GRM8: variants seen among roughly 807,000 people sequenced by gnomAD.
The protein encoded by GRM8 is metabotropic glutamate receptor 8.
GRM8 carries 47 observed loss-of-function variants against 87.2 expected under a neutral mutation model. The observed-to-expected ratio is 0.54, with a 90% CI of 0.43 to 0.69. GRM8 has a LOEUF of 0.69. Among genes scored for constraint, GRM8 ranks in the 30% least tolerant of loss-of-function variants. The probability of loss-of-function intolerance (pLI) is 0.00; values close to 1 mark genes in which losing one functional copy is unlikely to be tolerated. For missense variants in GRM8, 1,019 were observed against 1,139.2 expected, an observed-to-expected ratio of 0.89 and a Z score of 1.52; for synonymous variants, 396 against 404.5, an observed-to-expected ratio of 0.98 and a Z score of 0.25.
chr7:126,638,751 G>A lies in GRM8; in HGVS notation c.1358-29253C>T, dbSNP rs924526232. ...TCTTAGGTGTATTTATAGAAGGTAGGGCACTACAGAACAAGTCAGAAACAT... is the reference window on the plus strand; with the variant it reads ...TCTTAGGTGTATTTATAGAAGGTAGAGCACTACAGAACAAGTCAGAAACAT... On this transcript the variant is annotated intron_variant, in intron 7 of 10. Coordinates refer to ENST00000339582, the MANE Select transcript of GRM8 (RefSeq NM_000845.3). Among the ~76,000 whole-genome samples the A allele has an allele frequency of 2.0e-5, 3 of 152,106 alleles. No individual in the cohort carries two copies. The South Asian group carries it at 6.2e-4, about 32-fold the overall frequency.
At chr7:126,578,751 C>T (rs914702944) in intron 8 of GRM8, among the ~76,000 whole-genome samples, 1 of 152,046 alleles carries the variant, frequency 6.6e-6, no homozygotes, top group African/African-American at 2.4e-5. Flanking sequence ...ATAAAAATCA[C>T]CATTTTTAAT....
At chr7:127,053,755 TCTAAC>T (rs1338871639) in intron 3 of GRM8, among the ~76,000 whole-genome samples, 1 of 118,256 alleles carries the variant, frequency 8.5e-6, no homozygotes, top group African/African-American at 3.3e-5. Flanking sequence ...ACCATTACAC[TCTAAC>T]CTGAGTGACA....
chr7:126,488,550 C>G (rs1807628782), intron 9 of GRM8, among the ~76,000 whole-genome samples: 1 of 151,890 alleles, frequency 6.6e-6, no homozygotes. Context: ...TAAAACACAC[C>G]TTTTTCCCCT....
chr7:126,583,475 G>A (rs1198880133), intron 8 of GRM8, among the ~76,000 whole-genome samples: 2 of 152,108 alleles, frequency 1.3e-5, no homozygotes, highest in East Asian at 3.8e-4. Flanking sequence ...AAAATACATT[G>A]AAAACTTCCT....
chr7:127,057,895 C>T (rs1820161860), intron 3 of GRM8, among the ~76,000 whole-genome samples: 1 of 151,664 alleles, frequency 6.6e-6, no homozygotes, highest in Admixed American at 6.6e-5. Flanking sequence ...AGCTGCCTTG[C>T]AAGAACAGAG....
At chr7:126,557,712 T>C (rs983127702) in intron 8 of GRM8, among the ~76,000 whole-genome samples, 4 of 152,206 alleles carry the variant, frequency 2.6e-5, no homozygotes, top group Non-Finnish European at 5.9e-5. Flanking sequence ...TATTCATCTT[T>C]GCATGCTCAG....
intron 2 of GRM8, among the ~76,000 whole-genome samples, chr7:127,172,022 T>C (rs1233921481): frequency 6.9e-6 from 1 of 144,010 alleles, no homozygotes; most frequent in Non-Finnish European, 1.6e-5. Flanking sequence ...AGGATATTAC[T>C]TGCAAAAAAA....
intron 8 of GRM8, among the ~76,000 whole-genome samples, chr7:126,597,339 T>C (rs1051014882): frequency 2.6e-5 from 4 of 152,110 alleles, no homozygotes; most frequent in African/African-American, 9.7e-5. Flanking sequence ...TTAATTAATA[T>C]ACAATACTTT....
intron 3 of GRM8, among the ~76,000 whole-genome samples, chr7:127,057,469 GA>G (rs981059927): frequency 2.5e-4 from 38 of 150,030 alleles, no homozygotes; most frequent in Admixed American, 6.0e-4. Flanking sequence ...ATAAAAACAA[GA>G]AAAAAAAAGC....
intron 7 of GRM8, among the ~76,000 whole-genome samples, chr7:126,619,663 TTTCATAAA>T (rs1350928151): frequency 2.6e-5 from 4 of 152,204 alleles, no homozygotes; most frequent in African/African-American, 7.2e-5. Context: ...ACGTTAGGTA[TTTCATAAA>T]TTTTGATGTG....
intron 7 of GRM8, among the ~76,000 whole-genome samples, chr7:126,668,282 A>ATT (rs1806010189): frequency 6.6e-6 from 1 of 152,172 alleles, no homozygotes; most frequent in South Asian, 2.1e-4. Flanking sequence ...TAGGACGGAC[A>ATT]AGGACCCCAT....
chr7:126,647,843 A>G (rs1032016529), intron 7 of GRM8, among the ~76,000 whole-genome samples: 2 of 152,024 alleles, frequency 1.3e-5, no homozygotes, highest in African/African-American at 4.8e-5. Flanking sequence ...CCCTTTTCCC[A>G]TGTTGTTCTC....
At chr7:126,977,357 T>C (rs1811095755) in intron 3 of GRM8, among the ~76,000 whole-genome samples, 1 of 152,214 alleles carries the variant, frequency 6.6e-6, no homozygotes, top group African/African-American at 2.4e-5. Flanking sequence ...CAATTTATAG[T>C]AATTACCTGA....
At chr7:127,198,311 A>G (rs1174171293) in intron 2 of GRM8, among the ~76,000 whole-genome samples, 1 of 152,242 alleles carries the variant, frequency 6.6e-6, no homozygotes, top group Non-Finnish European at 1.5e-5. Flanking sequence ...TAAGATGCAC[A>G]TAAACTGGAC....
In GRM8 at chr7:126,969,625, T is replaced by C. The variant is rs184496321; in HGVS notation, c.728-64942A>G. ...TGCAGTTATTTCCTCTACTACAGTC[T>C]TGAACCCCTCAAAGCCATCCCTAAG... is the stretch of plus-strand genomic sequence containing the variant. On this transcript the variant is annotated intron_variant, in intron 3 of 10. Transcript: ENST00000339582. Among the ~76,000 whole-genome samples, 6 of 152,276 alleles carry C rather than the reference T, an allele frequency of 3.9e-5. No homozygotes were observed. In the East Asian group the frequency reaches 1.2e-3, roughly 29 times the overall value.
intron 8 of GRM8, among the ~76,000 whole-genome samples, chr7:126,535,590 G>A (rs1241254560): frequency 6.6e-6 from 1 of 152,182 alleles, no homozygotes; most frequent in Non-Finnish European, 1.5e-5. Flanking sequence ...GTAAGGGGTG[G>A]ATTATGCAGA....
intron 9 of GRM8, among the ~76,000 whole-genome samples, chr7:126,466,978 T>C (rs7807889): frequency 0.53 from 79,733 of 151,812 alleles, 21,122 homozygotes; most frequent in Middle Eastern, 0.65. Flanking sequence ...CTAAATAAAA[T>C]TAAGGAATAA....
chr7:127,113,606 T>C (rs1826517636), intron 2 of GRM8, among the ~76,000 whole-genome samples: 1 of 152,156 alleles, frequency 6.6e-6, no homozygotes. Flanking sequence ...ATTGGTTTTT[T>C]CCAGTGAAAG....
intron 9 of GRM8, among the ~76,000 whole-genome samples, chr7:126,478,262 C>T (rs1279411264): frequency 6.6e-6 from 1 of 152,036 alleles, no homozygotes; most frequent in African/African-American, 2.4e-5. Flanking sequence ...TTTCTTTGTT[C>T]TGAATGCCAC....
Sources: gnomAD v4.1 joint callset for allele counts (sites outside exome capture counted in the v4.1 genomes callset) on GRCh38, gnomAD v4.1.1 for gene constraint, MANE v1.5 for transcripts, NCBI Gene and HGNC (gene_info 2026-07-23, HGNC 2026-07-21) for gene names.